Variants in ZBTB6 observed in about 807,000 individuals in gnomAD.
The protein encoded by ZBTB6 is zinc finger and BTB domain containing 6, also known as zinc finger and BTB domain-containing protein 6.
A neutral mutation model predicts 30.6 loss-of-function variants in ZBTB6; 11 were observed. That is an observed-to-expected ratio of 0.36 (90% CI 0.23 to 0.60). The LOEUF (loss-of-function observed/expected upper bound fraction) is 0.60. Ranked by LOEUF, ZBTB6 falls within the 20% of genes least tolerant of loss-of-function variation. ZBTB6 has a pLI of 0.75. For synonymous variants in ZBTB6, 174 were observed against 172.0 expected (o/e 1.01, Z -0.09); for missense variants, 380 against 489.4 (o/e 0.78, Z 2.11).
At position 122,910,753 on chromosome 9, in the gene ZBTB6, G is replaced by A. The variant is rs115877201; in HGVS notation, c.*45C>T. 366 of 1,497,840 alleles carry A rather than the reference G, an allele frequency of 2.4e-4. No individual in the cohort carries two copies. In the African/African-American group the frequency reaches 3.3e-3, roughly 13 times the overall value. 92.8% of individuals were successfully genotyped at this position (1,497,840 alleles called of 1,614,324 possible). A position where few individuals can be genotyped will look rare whatever the true frequency, so the allele number is the denominator to read the frequency against. On this transcript the variant is annotated 3_prime_UTR_variant, in exon 2 of 2. Transcript: ENST00000373659. ...GCTGCATCTCTACAGAAAGACTTGC[G>A]TAATAGAATAATACAAACTTTATAT...
rs1318282631 is a variant in ZBTB6 at position 122,911,210 on chromosome 9, C to T, written c.863G>A (p.Ser288Asn). ...ACCTTCCTCCAGATTCTGAATCTCACTCACTGTACCATAACTTCCTTCAGT... is the reference window on the plus strand; with the variant it reads ...ACCTTCCTCCAGATTCTGAATCTCATTCACTGTACCATAACTTCCTTCAGT... ...ENTEGSYGTV[S>N]EIQNLEEGYS... The change falls in exon 2 of 2, where the codon AGT becomes AAT. Residue 288 changes from serine to asparagine, a missense_variant. Coordinates refer to ENST00000373659, the MANE Select transcript of ZBTB6 (RefSeq NM_006626.6). This position sits in a 1 kb window ranked among gnomAD's most constrained non-coding sequence, Gnocchi z 4.5. 2 of 1,614,196 alleles carry T rather than the reference C, an allele frequency of 1.2e-6. No individual in the cohort carries two copies. The highest frequency in any genetic ancestry group is 2.2e-5 in the South Asian group (2 of 91,086).
chr9:122,912,518 G>T (rs1790318871), intron 1 of ZBTB6, among the ~76,000 whole-genome samples: 1 of 151,964 alleles, frequency 6.6e-6, no homozygotes, highest in South Asian at 2.1e-4. Context: ...TCCTCCTTCC[G>T]GTTCACCTGG....
chr9:122,911,541 C>G lies in ZBTB6; in HGVS notation c.532G>C (p.Val178Leu), dbSNP rs776756327. 2.1e-5 allele frequency: 34 copies of G among 1,613,982 alleles called. No individual in the cohort carries two copies. Among genetic ancestry groups the G allele is most frequent in the Non-Finnish European group, 2.0e-5 (24 of 1,180,028 alleles). ...AAAGCATTGCTTTCCTCTTCTTTAA[C>G]ATGGAAATCTATGTTTACAGGACTA... is the stretch of plus-strand genomic sequence containing the variant. The part of the protein sequence containing the change: ...EDSPVNIDFH[V>L]KEEESNALQS... The change falls in exon 2 of 2, where the codon GTT becomes CTT. Residue 178 changes from valine (V) to leucine (L), a missense_variant. By Grantham distance (32) the Val-to-Leu change is conservative (BLOSUM62 1). Coordinates refer to ENST00000373659, the MANE Select transcript of ZBTB6 (RefSeq NM_006626.6). This position sits in a 1 kb window ranked among gnomAD's most constrained non-coding sequence, Gnocchi z 4.5.
Position 122,910,737 on chromosome 9 carries a change from C to T in ZBTB6, c.*61G>A. 6.9e-7 allele frequency: 1 copy of T among 1,440,576 alleles called. No individual in the cohort carries two copies. Among genetic ancestry groups the T allele is most frequent in the Admixed American group, 2.2e-5 (1 of 44,532 alleles). The allele number at this position is 1,440,576 out of a possible 1,614,324, so 89.2% of individuals were successfully genotyped here. On this transcript the variant is annotated 3_prime_UTR_variant, in exon 2 of 2. Transcript: ENST00000373659. ...ATGAAATATTACAAATGCTGCATCTCTACAGAAAGACTTGCGTAATAGAAT... is the reference window on the plus strand; with the variant it reads ...ATGAAATATTACAAATGCTGCATCTTTACAGAAAGACTTGCGTAATAGAAT...
intron 1 of ZBTB6, among the ~76,000 whole-genome samples, chr9:122,912,481 C>T (rs1387320658): frequency 3.3e-5 from 5 of 152,102 alleles, no homozygotes; most frequent in Admixed American, 2.6e-4. Flanking sequence ...AATCTCCAAA[C>T]TTCCTACTCC....
chr9:122,912,137 T>G, intron 1 of ZBTB6, 56 bp from the exon 2 acceptor site: 1 of 1,514,550 alleles, frequency 6.6e-7, no homozygotes, highest in Non-Finnish European at 8.9e-7. Context: ...TGCTTTCCCA[T>G]GCTGTAATGG....
chr9:122,911,968 T>G lies in ZBTB6; in HGVS notation c.105A>C (p.Val35=), dbSNP rs139660670. 3 of 1,614,110 alleles carry G rather than the reference T, an allele frequency of 1.9e-6. No individual in the cohort carries two copies. The African/African-American group carries it at 4.0e-5, about 22-fold the overall frequency. ...ACTCAGTGTCATTAATGTAAATTGATACATCACAAAATAAATTCTGCTGTC... is the reference window on the plus strand; with the variant it reads ...ACTCAGTGTCATTAATGTAAATTGAGACATCACAAAATAAATTCTGCTGTC... ...LLRQQNLFCD[V]SIYINDTEFQ... is the part of the protein sequence containing the mutation. Residue 35 remains valine (V), a synonymous_variant, in exon 2 of 2, where the codon GTA becomes GTC. Transcript: ENST00000373659. The surrounding 1 kb of genome is among the most constrained non-coding windows in gnomAD (Gnocchi z 4.5).
Position 122,910,590 on chromosome 9 carries a change from G to A in ZBTB6, c.*208C>T, listed in dbSNP as rs1832942427. 3 of 547,058 alleles carry A rather than the reference G, an allele frequency of 5.5e-6. No individual in the cohort carries two copies. Among genetic ancestry groups the A allele is most frequent in the Non-Finnish European group, 9.7e-6 (3 of 307,964 alleles). The allele number at this position is 547,058 out of a possible 1,614,324, so 33.9% of individuals were successfully genotyped here. On this transcript the variant is annotated 3_prime_UTR_variant, in exon 2 of 2. Coordinates refer to ENST00000373659, the MANE Select transcript of ZBTB6 (RefSeq NM_006626.6). ...GATACTACTGAGACTTATATGTAAG[G>A]TATGAGATGAGACAGAATCCCATCA...
At position 122,911,586 on chromosome 9, in the gene ZBTB6, T is replaced by G. The variant is rs1459779515; in HGVS notation, c.487A>C (p.Ile163Leu). The change falls in exon 2 of 2, where the codon ATA becomes CTA. Residue 163 changes from isoleucine to leucine, a missense_variant. By Grantham distance (5) the Ile-to-Leu change is conservative. Coordinates refer to ENST00000373659, the MANE Select transcript of ZBTB6 (RefSeq NM_006626.6). This position sits in a 1 kb window ranked among gnomAD's most constrained non-coding sequence, Gnocchi z 4.5. ...GGACTATCTTCTGAAATTTCAATTA[T>G]CTCACAGTCTTTATCAGAATTTTCA... is the stretch of plus-strand genomic sequence containing the variant. ...EDENSDKDCE[I>L]IEISEDSPVN... The G allele has an allele frequency of 6.2e-7, 1 of 1,613,714 alleles. No homozygotes were observed. The highest frequency in any genetic ancestry group is 1.7e-5 in the Admixed American group (1 of 60,020).
rs1832952028 is a variant in ZBTB6, at chr9:122,911,319, G to C, written c.754C>G (p.Gln252Glu). 3 of 1,614,006 alleles carry C rather than the reference G, an allele frequency of 1.9e-6. No individual in the cohort carries two copies. Among genetic ancestry groups the C allele is most frequent in the Non-Finnish European group, 1.7e-6 (2 of 1,180,036 alleles). Residue 252 changes from glutamine to glutamate, a missense_variant, in exon 2 of 2, where the codon CAG becomes GAG. Coordinates refer to ENST00000373659, the MANE Select transcript of ZBTB6 (RefSeq NM_006626.6). This position sits in a 1 kb window ranked among gnomAD's most constrained non-coding sequence, Gnocchi z 4.5. ...SKASMYFSET[Q>E]HSLINSTVES... is the part of the protein sequence containing the mutation. ...ACTGTAGAATTGATCAATGAATGCT[G>C]TGTTTCAGAGAAATACATGCTTGCT... is the stretch of plus-strand genomic sequence containing the variant.
chr9:122,912,546 C>T (rs1487732458), intron 1 of ZBTB6, among the ~76,000 whole-genome samples: 1 of 152,160 alleles, frequency 6.6e-6, no homozygotes, highest in East Asian at 1.9e-4. Flanking sequence ...CAATGTCTTC[C>T]AACAGGTCTT....
Position 122,910,217 on chromosome 9 carries a change from A to G in ZBTB6, c.*581T>C, listed in dbSNP as rs1832938453. 1 of 152,306 alleles carries G rather than the reference A, an allele frequency of 6.6e-6. No homozygotes were observed. The highest frequency in any genetic ancestry group is 6.5e-5 in the Admixed American group (1 of 15,290). 9.4% of individuals were successfully genotyped at this position (152,306 alleles called of 1,614,324 possible). A position where few individuals can be genotyped will look rare whatever the true frequency, so the allele number is the denominator to read the frequency against. ...AAATAAAAGTATTTTAAGGATTATT[A>G]ACCCTGTATAAAAAAATTCTGCTAT... On this transcript the variant is annotated 3_prime_UTR_variant, in exon 2 of 2. Transcript: ENST00000373659.
chr9:122,911,065 T>C lies in ZBTB6; in HGVS notation c.1008A>G (p.Thr336=). The change falls in exon 2 of 2, where the codon ACA becomes ACG. Residue 336 remains threonine (T), a synonymous_variant. Transcript: ENST00000373659. The surrounding 1 kb of genome is among the most constrained non-coding windows in gnomAD (Gnocchi z 4.5). Reference sequence around the variant, plus strand: ...TGTGTCGGTTGAGATTTTTCTTCTGTGTAAATGTTTTTCCGCACTGTAAGC... The same window carrying C: ...TGTGTCGGTTGAGATTTTTCTTCTGCGTAAATGTTTTTCCGCACTGTAAGC... The part of the protein sequence containing the change: ...FLCLQCGKTF[T]QKKNLNRHIR... 1.2e-6 allele frequency: 2 copies of C among 1,614,210 alleles called. No homozygotes were observed. The highest frequency in any genetic ancestry group is 1.7e-5 in the Admixed American group (1 of 60,034).
At position 122,909,669 on chromosome 9, in the gene ZBTB6, T is replaced by C. The variant is rs925328426; in HGVS notation, c.*1129A>G. 24 of 152,234 alleles carry C rather than the reference T, an allele frequency of 1.6e-4. No homozygotes were observed. The highest frequency in any genetic ancestry group is 5.8e-4 in the African/African-American group (24 of 41,458). The allele number at this position is 152,234 out of a possible 1,614,324, so 9.4% of individuals were successfully genotyped here. ...TTTAAATTGCTCATCTAGTAACAGCTAGAATATATATTGCCAATTCAAAAT... is the reference window on the plus strand; with the variant it reads ...TTTAAATTGCTCATCTAGTAACAGCCAGAATATATATTGCCAATTCAAAAT... On this transcript the variant is annotated 3_prime_UTR_variant, in exon 2 of 2. Transcript: ENST00000373659.
chr9:122,912,574 C>T lies in ZBTB6; in HGVS notation c.-9-493G>A, dbSNP rs1464907603. 2.0e-5 allele frequency among the ~76,000 whole-genome samples: 3 copies of T among 152,284 alleles called. No homozygotes were observed. In the East Asian group the frequency reaches 5.8e-4, roughly 29 times the overall value. On this transcript the variant is annotated intron_variant, in intron 1 of 1. Transcript: ENST00000373659. ...CAGGTCTTCTTTATACCACACTCTT[C>T]TGTATGCCAGATTACCCGCCTGAGT...
Position 122,911,804 on chromosome 9 carries a change from G to A in ZBTB6, c.269C>T (p.Thr90Ile). ...VGRKLLLSCY[T>I]GALEVKRKEL... ...TTTCCTTTTAACTTCAAGTGCTCCA[G>A]TATAGCAAGACAGTAACAATTTTCT... Residue 90 changes from threonine to isoleucine, a missense_variant, in exon 2 of 2, where the codon ACT becomes ATT. Thr to Ile is a moderately conservative substitution (Grantham distance 89). Coordinates refer to ENST00000373659, the MANE Select transcript of ZBTB6 (RefSeq NM_006626.6). The surrounding 1 kb of genome is among the most constrained non-coding windows in gnomAD (Gnocchi z 4.5). The A allele has an allele frequency of 6.2e-7, 1 of 1,614,210 alleles. No homozygotes were observed. Among genetic ancestry groups the A allele is most frequent in the Non-Finnish European group, 8.5e-7 (1 of 1,180,042 alleles).
rs1210537302 is a variant in ZBTB6, at chr9:122,911,688, T to C, written c.385A>G (p.Ile129Val). Residue 129 changes from isoleucine (I) to valine (V), a missense_variant, in exon 2 of 2, where the codon ATT (isoleucine) becomes GTT (valine). Physicochemically the swap from Ile to Val is conservative, Grantham distance 29 (BLOSUM62 3). Coordinates refer to ENST00000373659, the MANE Select transcript of ZBTB6 (RefSeq NM_006626.6). This position sits in a 1 kb window ranked among gnomAD's most constrained non-coding sequence, Gnocchi z 4.5. ...CTEALSKYLE[I>V]DLSMKNNNQH... ...TTGTTGTTTTTCATAGAAAGATCAA[T>C]TTCCAGATACTTTGACAAAGCTTCT... is the stretch of plus-strand genomic sequence containing the variant. 1.2e-6 allele frequency: 2 copies of C among 1,613,920 alleles called. No homozygotes were observed. Among genetic ancestry groups the C allele is most frequent in the Admixed American group, 3.3e-5 (2 of 60,034 alleles).
rs921725775 is a variant in ZBTB6 at position 122,908,071 on chromosome 9, A to T, written c.*2727T>A. 6.6e-6 allele frequency: 1 copy of T among 152,212 alleles called. No homozygotes were observed. Among genetic ancestry groups the T allele is most frequent in the African/African-American group, 2.4e-5 (1 of 41,464 alleles). 9.4% of individuals were successfully genotyped at this position (152,212 alleles called of 1,614,324 possible). A position where few individuals can be genotyped will look rare whatever the true frequency, so the allele number is the denominator to read the frequency against. The stretch of plus-strand genomic sequence containing the variant: ...CACATTGTTCTCCATTCCCACCTCC[A>T]GTTTATTATTTCTTATGTAAACATG... On this transcript the variant is annotated 3_prime_UTR_variant, in exon 2 of 2. Coordinates refer to ENST00000373659, the MANE Select transcript of ZBTB6 (RefSeq NM_006626.6).
intron 1 of ZBTB6, 42 bp from the exon 2 acceptor site, chr9:122,912,123 G>A: frequency 6.5e-7 from 1 of 1,543,946 alleles, no homozygotes; most frequent in Non-Finnish European, 8.7e-7. Flanking sequence ...ATAAGGATAG[G>A]GAATGCTTTC....
Sources: allele counts gnomAD v4.1 joint callset (sites outside exome capture counted in the v4.1 genomes callset), GRCh38; gene constraint gnomAD v4.1.1; non-coding constraint Gnocchi (gnomAD v3.1); transcripts MANE v1.5; gene names NCBI Gene and HGNC (gene_info 2026-07-23, HGNC 2026-07-21).